AGR2: variants seen among roughly 807,000 people sequenced by gnomAD.
AGR2 encodes anterior gradient protein 2 homolog.
A neutral mutation model predicts 25.9 loss-of-function variants in AGR2; 27 were observed. The observed-to-expected ratio is 1.04, with a 90% CI of 0.77 to 1.44. The LOEUF (loss-of-function observed/expected upper bound fraction) is 1.44. Ranked by LOEUF, AGR2 falls within the 40% of genes most tolerant of loss-of-function variation. The pLI is 0.00. For missense variants in AGR2, 182 were observed against 200.9 expected (o/e 0.91, Z 0.57); for synonymous variants, 78 against 72.0 (o/e 1.08, Z -0.42).
chr7:16,793,937 G>A (rs568600325), intron 7 of AGR2, among the ~76,000 whole-genome samples: 1 of 152,350 alleles, frequency 6.6e-6, no homozygotes, highest in East Asian at 1.9e-4. Flanking sequence ...AAGGGATTGT[G>A]ATATTACTTG....
In AGR2 at chr7:16,801,714, C is replaced by T; in HGVS notation, c.83G>A (p.Gly28Glu). 1.2e-6 allele frequency: 2 copies of T among 1,613,410 alleles called. No homozygotes were observed. Among genetic ancestry groups the T allele is most frequent in the Non-Finnish European group, 1.7e-6 (2 of 1,179,890 alleles). ...AGAGTCCTTTGTGTCCTTTTTGGCTCCAGGTTTGACTGTGGTATCTCTGGC... is the reference window on the plus strand; with the variant it reads ...AGAGTCCTTTGTGTCCTTTTTGGCTTCAGGTTTGACTGTGGTATCTCTGGC... ...TLARDTTVKP[G>E]AKKDTKDSRP... The change falls in exon 2 of 8, where the codon GGA becomes GAA. Residue 28 changes from glycine (G) to glutamate (E), a missense_variant. Transcript: ENST00000419304.
intron 5 of AGR2, among the ~76,000 whole-genome samples, chr7:16,799,204 G>A (rs1785098368): frequency 6.6e-6 from 1 of 152,180 alleles, no homozygotes; most frequent in Non-Finnish European, 1.5e-5. Flanking sequence ...GGGCTCAAAA[G>A]GACATATGAT....
At chr7:16,801,265 A>C in intron 3 of AGR2, 55 bp downstream of exon 3, 15 of 1,607,508 alleles carry the variant, frequency 9.3e-6, no homozygotes, top group Non-Finnish European at 1.2e-5. Context: ...TCTAGATGTC[A>C]CTAGGTGGTG....
In AGR2 at chr7:16,792,839, C is replaced by G; in HGVS notation, c.*69G>C. 1.5e-6 allele frequency: 2 copies of G among 1,349,646 alleles called. No individual in the cohort carries two copies. 83.6% of individuals were successfully genotyped at this position (1,349,646 alleles called of 1,614,324 possible). ...TCACTATGCTTCCACACTAGCCAGTCTTCTCACACTTCTTCTGGTTTCAAG... is the reference window on the plus strand; with the variant it reads ...TCACTATGCTTCCACACTAGCCAGTGTTCTCACACTTCTTCTGGTTTCAAG... On this transcript the variant is annotated 3_prime_UTR_variant, in exon 8 of 8. Coordinates refer to ENST00000419304, the MANE Select transcript of AGR2 (RefSeq NM_006408.4).
At chr7:16,801,028 A>C in intron 4 of AGR2, 123 bp downstream of exon 4, 1 of 657,514 alleles carries the variant, frequency 1.5e-6, no homozygotes, top group Non-Finnish European at 2.5e-6. Context: ...ATATGTTTTT[A>C]CTATATAAAA....
intron 2 of AGR2, 84 bp from the exon 3 acceptor site, chr7:16,801,467 A>G (rs748101685): frequency 7.3e-7 from 1 of 1,361,122 alleles, no homozygotes; most frequent in South Asian, 1.2e-5. Flanking sequence ...AGACTGGGAT[A>G]ATAGACCCTA....
intron 6 of AGR2, among the ~76,000 whole-genome samples, chr7:16,795,934 G>T (rs913621844): frequency 6.6e-6 from 1 of 152,222 alleles, no homozygotes; most frequent in Non-Finnish European, 1.5e-5. Flanking sequence ...CCAGATTTAA[G>T]ACCAACTATA....
chr7:16,801,171 T>G lies in AGR2; in HGVS notation c.236A>C (p.Asp79Ala). The part of the protein sequence containing the change: ...NKPLMIIHHL[D>A]ECPHSQALKK... The stretch of plus-strand genomic sequence containing the variant: ...ATTACCTTGACTGTGTGGGCACTCA[T>G]CCAAGTGATGAATAATCATCAAGGG... Residue 79 changes from aspartate to alanine, a missense_variant, in exon 4 of 8, where the codon GAT (aspartate) becomes GCT (alanine). Coordinates refer to ENST00000419304, the MANE Select transcript of AGR2 (RefSeq NM_006408.4). The G allele has an allele frequency of 6.2e-7, 1 of 1,613,868 alleles. No homozygotes were observed.
chr7:16,796,990 C>T (rs1489206090), intron 6 of AGR2, among the ~76,000 whole-genome samples: 1 of 151,894 alleles, frequency 6.6e-6, no homozygotes, highest in African/African-American at 2.4e-5. Context: ...GGTGCCATCT[C>T]GGCTCACTGC....
chr7:16,802,964 C>T (rs1785175882), intron 1 of AGR2, among the ~76,000 whole-genome samples: 1 of 152,024 alleles, frequency 6.6e-6, no homozygotes. Context: ...TCCCAAGGAG[C>T]TGGGGCTACA....
intron 7 of AGR2, chr7:16,794,638 G>C (rs964962179): frequency 1.9e-5 from 11 of 580,364 alleles, no homozygotes; most frequent in Admixed American, 3.2e-5. Flanking sequence ...TAGAAGGAGT[G>C]TGTGCTCGTG....
intron 7 of AGR2, 64 bp downstream of exon 7, chr7:16,794,872 C>T: frequency 2.5e-6 from 4 of 1,609,612 alleles, no homozygotes; most frequent in Non-Finnish European, 3.4e-6. Context: ...GCCTCTAGTC[C>T]CATCACTACA....
Position 16,794,935 on chromosome 7 carries a change from C to T in AGR2, c.478+1G>A. Reference sequence around the variant, plus strand: ...ACATCCGAATTGAAGGTCACACTTACACAGAGCTGTATCTGCAGGTTCGTA... The same window carrying T: ...ACATCCGAATTGAAGGTCACACTTATACAGAGCTGTATCTGCAGGTTCGTA... On this transcript the variant is annotated splice_donor_variant, in intron 7 of 7. Coordinates refer to ENST00000419304, the MANE Select transcript of AGR2 (RefSeq NM_006408.4). LOFTEE classifies it high-confidence loss of function. The T allele has an allele frequency of 6.2e-7, 1 of 1,614,158 alleles. No individual in the cohort carries two copies. Among genetic ancestry groups the T allele is most frequent in the Non-Finnish European group, 8.5e-7 (1 of 1,180,020 alleles).
chr7:16,795,484 G>C (rs938372976), intron 6 of AGR2, among the ~76,000 whole-genome samples: 1 of 152,048 alleles, frequency 6.6e-6, no homozygotes, highest in Non-Finnish European at 1.5e-5. Flanking sequence ...AGGAATGCAA[G>C]TCCTTAACAA....
chr7:16,797,580 T>C, intron 6 of AGR2, 51 bp downstream of exon 6: 1 of 1,536,472 alleles, frequency 6.5e-7, no homozygotes, highest in Non-Finnish European at 9.0e-7. Flanking sequence ...AGAAGGAGGA[T>C]GGCAGCACTA....
intron 5 of AGR2, among the ~76,000 whole-genome samples, chr7:16,799,123 G>A (rs191022232): frequency 6.6e-6 from 1 of 152,328 alleles, no homozygotes; most frequent in Non-Finnish European, 1.5e-5. Context: ...GCCCATGGAA[G>A]AGAGGCAAGG....
chr7:16,800,406 C>T (rs181051613), intron 4 of AGR2, among the ~76,000 whole-genome samples: 13 of 152,222 alleles, frequency 8.5e-5, no homozygotes, highest in Admixed American at 8.5e-4. Flanking sequence ...GCACGAAGGC[C>T]AGGCTGGAGA....
chr7:16,802,892 G>A (rs746297923), intron 1 of AGR2, among the ~76,000 whole-genome samples: 1 of 152,022 alleles, frequency 6.6e-6, no homozygotes. Flanking sequence ...GAGTACAGTG[G>A]CACAATCGTG....
intron 6 of AGR2, among the ~76,000 whole-genome samples, chr7:16,796,933 T>G (rs890773274): frequency 2.0e-5 from 3 of 152,090 alleles, no homozygotes; most frequent in African/African-American, 7.2e-5. Context: ...ATTCCTTTTT[T>G]TTTTTTGAGA....
Sources: allele counts gnomAD v4.1 joint callset (sites outside exome capture counted in the v4.1 genomes callset), GRCh38; gene constraint gnomAD v4.1.1; transcripts MANE v1.5; gene names NCBI Gene and HGNC (gene_info 2026-07-23, HGNC 2026-07-21).